TOGARAM2: variants seen among roughly 807,000 people sequenced by gnomAD.
TOGARAM2 encodes TOG array regulator of axonemal microtubules 2, also known as TOG array regulator of axonemal microtubules protein 2.
In TOGARAM2, 85 loss-of-function variants were observed where a neutral mutation model predicts 93.3. That is an observed-to-expected ratio of 0.91 (90% CI 0.76 to 1.09). The LOEUF is 1.09. TOGARAM2 is among the 50% of genes least tolerant of loss of function. TOGARAM2 has a pLI of 0.00. For missense variants in TOGARAM2, 1,277 were observed against 1,334.5 expected, an observed-to-expected ratio of 0.96 and a Z score of 0.67; for synonymous variants, 593 against 552.8, an observed-to-expected ratio of 1.07 and a Z score of -1.02.
At chr2:29,018,219 G>A (rs1558439005) in intron 10 of TOGARAM2, 3 of 471,192 alleles carry the variant, frequency 6.4e-6, no homozygotes, top group East Asian at 6.9e-5. Flanking sequence ...GTCCGGAGGA[G>A]TGACCAGTGC....
intron 8 of TOGARAM2, among the ~76,000 whole-genome samples, chr2:29,016,939 CCTTA>C (rs1167644384): frequency 3.9e-5 from 6 of 152,208 alleles, no homozygotes; most frequent in Admixed American, 3.3e-4. Context: ...ATCTCTGTCT[CCTTA>C]CTTTTCTTTC....
chr2:29,000,803 T>C (rs6753936), intron 4 of TOGARAM2, among the ~76,000 whole-genome samples: 125,045 of 152,108 alleles, frequency 0.82, 51,575 homozygotes, highest in Middle Eastern at 0.86. Context: ...TGGGAGGAAT[T>C]GTCCTGGCTG....
intron 14 of TOGARAM2, among the ~76,000 whole-genome samples, chr2:29,029,319 A>G (rs1480766942): frequency 1.3e-5 from 2 of 151,156 alleles, no homozygotes; most frequent in Non-Finnish European, 3.0e-5. Flanking sequence ...AGTCATAAAT[A>G]GGAATGAATT....
intron 1 of TOGARAM2, among the ~76,000 whole-genome samples, chr2:28,989,453 G>A (rs182816291): frequency 1.4e-3 from 204 of 150,626 alleles, no homozygotes; most frequent in Admixed American, 3.0e-3. Flanking sequence ...ACTGGAGTGC[G>A]GTGGCACAAT....
intron 1 of TOGARAM2, among the ~76,000 whole-genome samples, chr2:28,973,476 TCCC>T (rs1671982979): frequency 7.7e-6 from 1 of 129,608 alleles, no homozygotes; most frequent in African/African-American, 2.9e-5. Context: ...CCTCCCTCCC[TCCC>T]TCCCTCCTTC....
Position 29,017,903 on chromosome 2 carries a change from T to TG in TOGARAM2, c.1308dup (p.Pro437AlafsTer19). 1 of 1,612,276 alleles carries TG rather than the reference T, an allele frequency of 6.2e-7. No homozygotes were observed. The highest frequency in any genetic ancestry group is 1.1e-5 in the South Asian group (1 of 90,864). ...AGGAAGTGGGCCAGCCGGGCCTCCCTGCCCAGCATCCCCATCAGCCGGCAG... is the reference window on the plus strand; with the variant it reads ...AGGAAGTGGGCCAGCCGGGCCTCCCTGGCCCAGCATCCCCATCAGCCGGCAG... On this transcript the variant is annotated frameshift_variant, in exon 10 of 20. Coordinates refer to ENST00000379558, the MANE Select transcript of TOGARAM2 (RefSeq NM_199280.4). LOFTEE classifies it high-confidence loss of function.
intron 10 of TOGARAM2, among the ~76,000 whole-genome samples, chr2:29,019,413 G>A (rs369610596): frequency 6.6e-6 from 1 of 151,816 alleles, no homozygotes; most frequent in African/African-American, 2.4e-5. Flanking sequence ...CAAGTGATTC[G>A]CCCACCTCAG....
At chr2:28,989,531 T>C (rs1238166424) in intron 1 of TOGARAM2, among the ~76,000 whole-genome samples, 1 of 152,102 alleles carries the variant, frequency 6.6e-6, no homozygotes, top group Non-Finnish European at 1.5e-5. Flanking sequence ...CCCAAGTAAC[T>C]GAGACTACAG....
chr2:28,991,414 A>C (rs1394270349), intron 1 of TOGARAM2, among the ~76,000 whole-genome samples: 27 of 151,950 alleles, frequency 1.8e-4, no homozygotes, highest in Admixed American at 1.7e-3. Context: ...CCAGAATGAG[A>C]GTTTGTAAAC....
chr2:28,973,972 A>G (rs987297633), intron 1 of TOGARAM2, among the ~76,000 whole-genome samples: 3 of 152,186 alleles, frequency 2.0e-5, no homozygotes, highest in African/African-American at 7.2e-5. Context: ...CAATATTTGA[A>G]AAATCTGCCA....
chr2:29,005,336 CGT>C (rs1357723175), intron 6 of TOGARAM2, among the ~76,000 whole-genome samples: 2 of 48,300 alleles, frequency 4.1e-5, no homozygotes, highest in East Asian at 1.0e-3. Flanking sequence ...TGTGTGAGAC[CGT>C]GTGTGTGCAT....
intron 6 of TOGARAM2, among the ~76,000 whole-genome samples, chr2:29,010,794 T>C (rs1190483781): frequency 6.6e-6 from 1 of 152,154 alleles, no homozygotes; most frequent in Non-Finnish European, 1.5e-5. Flanking sequence ...TGACACATAG[T>C]AGGTCTTCAG....
chr2:29,036,376 G>A (rs1178346051), intron 17 of TOGARAM2, among the ~76,000 whole-genome samples, 165 bp from the exon 18 acceptor site: 1 of 152,188 alleles, frequency 6.6e-6, no homozygotes, highest in Non-Finnish European at 1.5e-5. Flanking sequence ...ACCCTTTTGA[G>A]GTGAGCTCTT....
At chr2:28,995,532 C>T (rs1672949560) in intron 2 of TOGARAM2, among the ~76,000 whole-genome samples, 1 of 152,222 alleles carries the variant, frequency 6.6e-6, no homozygotes, top group Non-Finnish European at 1.5e-5. Context: ...GGGGCTTCGA[C>T]ATATGAATCG....
rs961896585 is a variant in TOGARAM2, at chr2:29,024,268, G to T, written c.1747G>T (p.Asp583Tyr). ...CCGCTGCTTGCTGCAGAAGATGGCGGACACCAACGAGTTCATCCAGAGAGC... is the reference window on the plus strand; with the variant it reads ...CCGCTGCTTGCTGCAGAAGATGGCGTACACCAACGAGTTCATCCAGAGAGC... ...IARCLLQKMA[D>Y]TNEFIQRAAG... The change falls in exon 13 of 20, where the codon GAC becomes TAC. Residue 583 changes from aspartate to tyrosine, a missense_variant. Asp to Tyr is a radical substitution (Grantham distance 160, BLOSUM62 -3). Coordinates refer to ENST00000379558, the MANE Select transcript of TOGARAM2 (RefSeq NM_199280.4). 6 of 1,613,032 alleles carry T rather than the reference G, an allele frequency of 3.7e-6. No individual in the cohort carries two copies. Among genetic ancestry groups the T allele is most frequent in the African/African-American group, 1.3e-5 (1 of 74,920 alleles).
chr2:28,984,078 C>T (rs1672354023), intron 1 of TOGARAM2, among the ~76,000 whole-genome samples: 1 of 151,714 alleles, frequency 6.6e-6, no homozygotes, highest in African/African-American at 2.4e-5. Context: ...CTTGGAGAAC[C>T]AATCACTATT....
In TOGARAM2 at chr2:28,962,446, T is replaced by A. The variant is rs1245324606; in HGVS notation, c.-147+5749T>A. On this transcript the variant is annotated intron_variant, in intron 1 of 6. Coordinates refer to the TOGARAM2 transcript ENST00000401723. ...ACCTTGGGCTCCCAAAGTTCTGGGA[T>A]TATAGGCGTGAACCACCGTGCCCAG... Among the ~76,000 whole-genome samples the A allele has an allele frequency of 2.0e-5, 3 of 152,134 alleles. No individual in the cohort carries two copies. In the East Asian group the frequency reaches 5.8e-4, roughly 29 times the overall value.
intron 18 of TOGARAM2, among the ~76,000 whole-genome samples, chr2:29,041,025 C>CT (rs59787454): frequency 0.057 from 7,874 of 137,118 alleles, 629 homozygotes; most frequent in African/African-American, 0.17. Flanking sequence ...TCTTGAGTCA[C>CT]TTTTTTTTTT....
At chr2:28,970,596 C>A (rs563572742) in intron 1 of TOGARAM2, among the ~76,000 whole-genome samples, 1 of 152,132 alleles carries the variant, frequency 6.6e-6, no homozygotes, top group Non-Finnish European at 1.5e-5. Flanking sequence ...GTGGGGAAAT[C>A]ACTATCCACC....
Sources: gnomAD v4.1 joint callset for allele counts (sites outside exome capture counted in the v4.1 genomes callset) on GRCh38, gnomAD v4.1.1 for gene constraint, MANE v1.5 for transcripts, NCBI Gene and HGNC (gene_info 2026-07-23, HGNC 2026-07-21) for gene names.